PCDHGB5: variants seen among roughly 807,000 people sequenced by gnomAD.
PCDHGB5 encodes the protein protocadherin gamma-B5.
Under a neutral mutation model 62.9 loss-of-function variants are expected in PCDHGB5, and 48 were observed. That is an observed-to-expected ratio of 0.76 (90% CI 0.61 to 0.97). PCDHGB5 has a LOEUF of 0.97. PCDHGB5 is among the 50% of genes least tolerant of loss of function. PCDHGB5 has a pLI of 0.00. For synonymous variants in PCDHGB5, 474 were observed against 511.2 expected, an observed-to-expected ratio of 0.93 and a Z score of 0.98; for missense variants, 1,118 against 1,198.6, an observed-to-expected ratio of 0.93 and a Z score of 0.99.
intron 1 of PCDHGB5, among the ~76,000 whole-genome samples, chr5:141,456,033 G>A (rs1398584179): frequency 6.6e-6 from 1 of 151,884 alleles, no homozygotes; most frequent in Non-Finnish European, 1.5e-5. Flanking sequence ...GAGTAGCTGG[G>A]ACTACAGGCG....
chr5:141,427,896 C>G, intron 1 of PCDHGB5: 1 of 1,570,508 alleles, frequency 6.4e-7, no homozygotes, highest in East Asian at 2.2e-5. Context: ...CCAGGGCTCG[C>G]CCGCGCTCAG....
In PCDHGB5 at chr5:141,430,720, T is replaced by C. The variant is rs369549088; in HGVS notation, c.2397+30196T>C. On this transcript the variant is annotated intron_variant, in intron 1 of 3. Transcript: ENST00000617380. ...AAGGAACTGCTCCTGACTTCAGTGG[T>C]TAAGGGCAGAATTGAAAATAATTCT... The C allele has an allele frequency of 4.9e-4, 734 of 1,486,386 alleles. 1 individual carries two copies. Among genetic ancestry groups the C allele is most frequent in the Middle Eastern group, 9.1e-4 (5 of 5,506 alleles). The allele number at this position is 1,486,386 out of a possible 1,614,324, so 92.1% of individuals were successfully genotyped here.
intron 1 of PCDHGB5, chr5:141,427,590 C>G (rs768990626): frequency 5.9e-6 from 4 of 678,892 alleles, no homozygotes; most frequent in Non-Finnish European, 1.1e-5. Flanking sequence ...CAGCACAAGC[C>G]TCACCCTACG....
Position 141,490,345 on chromosome 5 carries a change from G to C in PCDHGB5, c.2398-4462G>C, listed in dbSNP as rs2099698831. On this transcript the variant is annotated intron_variant, in intron 1 of 3. Coordinates refer to ENST00000617380, the MANE Select transcript of PCDHGB5 (RefSeq NM_018925.3). This position sits in a 1 kb window ranked among gnomAD's most constrained non-coding sequence, Gnocchi z 5.4. ...AGAGAGCACACCAGTGGGCACAGTA[G>C]TGGGGTTGTTTAATGTGCGAGACCG... is the stretch of plus-strand genomic sequence containing the variant. 1 of 1,614,216 alleles carries C rather than the reference G, an allele frequency of 6.2e-7. No homozygotes were observed. Among genetic ancestry groups the C allele is most frequent in the Non-Finnish European group, 8.5e-7 (1 of 1,180,034 alleles).
At chr5:141,447,650 T>TC (rs1036312126) in intron 1 of PCDHGB5, among the ~76,000 whole-genome samples, 5 of 151,988 alleles carry the variant, frequency 3.3e-5, no homozygotes, top group Non-Finnish European at 5.9e-5. Context: ...GGTAGAATTT[T>TC]CCCCCCCAGG....
In PCDHGB5 at chr5:141,477,029, A is replaced by C; in HGVS notation, c.2398-17778A>C. 6.2e-7 allele frequency: 1 copy of C among 1,614,238 alleles called. No homozygotes were observed. The highest frequency in any genetic ancestry group is 8.5e-7 in the Non-Finnish European group (1 of 1,180,040). Reference sequence around the variant, plus strand: ...CTTAGACCTTGTAACCGGGATGCTGACAATCAAGGGTCGGCTGGACTTCGA... The same window carrying C: ...CTTAGACCTTGTAACCGGGATGCTGCCAATCAAGGGTCGGCTGGACTTCGA... On this transcript the variant is annotated intron_variant, in intron 1 of 3. Transcript: ENST00000617380. This position sits in a 1 kb window ranked among gnomAD's most constrained non-coding sequence, Gnocchi z 4.9.
In PCDHGB5 at chr5:141,409,757, G is replaced by T. The variant is rs376391018; in HGVS notation, c.2397+9233G>T. On this transcript the variant is annotated intron_variant, in intron 1 of 3. Coordinates refer to ENST00000617380, the MANE Select transcript of PCDHGB5 (RefSeq NM_018925.3). ...GAGCGGGGTGGTGTTCGCGCAGCGC[G>T]CCTTTGATCACGAGCAGCTGCGCGC... is the stretch of plus-strand genomic sequence containing the variant. 5 of 1,612,868 alleles carry T rather than the reference G, an allele frequency of 3.1e-6. No homozygotes were observed. In the East Asian group the frequency reaches 6.7e-5, roughly 22 times the overall value.
chr5:141,413,630 C>T (rs746896115), intron 1 of PCDHGB5: 2 of 1,613,692 alleles, frequency 1.2e-6, no homozygotes, highest in Admixed American at 3.3e-5. Flanking sequence ...AATGTCGCTG[C>T]GGGAATGCGT....
chr5:141,423,804 T>C (rs571396807), intron 1 of PCDHGB5: 50 of 1,240,508 alleles, frequency 4.0e-5, no homozygotes, highest in African/African-American at 2.7e-4. Flanking sequence ...GAGCAATACA[T>C]GTGAGTTTTA....
rs773893751 is a variant in PCDHGB5 at position 141,431,903 on chromosome 5, G to A, written c.2397+31379G>A. 2 of 1,613,916 alleles carry A rather than the reference G, an allele frequency of 1.2e-6. No individual in the cohort carries two copies. Among genetic ancestry groups the A allele is most frequent in the South Asian group, 2.2e-5 (2 of 91,080 alleles). ...CCAAGATTCTGAGGAAAACGGACAG[G>A]TGATCTGTTTCATCCAAGGAAATCT... On this transcript the variant is annotated intron_variant, in intron 1 of 3. Transcript: ENST00000617380. The surrounding 1 kb of genome is among the most constrained non-coding windows in gnomAD (Gnocchi z 4.8).
In PCDHGB5 at chr5:141,480,033, C is replaced by G. The variant is rs370321166; in HGVS notation, c.2398-14774C>G. On this transcript the variant is annotated intron_variant, in intron 1 of 3. Coordinates refer to ENST00000617380, the MANE Select transcript of PCDHGB5 (RefSeq NM_018925.3). ...CTCAATCTCCTTTCTAAGCCTCTTC[C>G]TCATATGCAAAAAGGGAATAATAAG... is the stretch of plus-strand genomic sequence containing the variant. Among the ~76,000 whole-genome samples, 3 of 152,224 alleles carry G rather than the reference C, an allele frequency of 2.0e-5. No individual in the cohort carries two copies. The East Asian group carries it at 5.8e-4, about 29-fold the overall frequency.
intron 1 of PCDHGB5, among the ~76,000 whole-genome samples, chr5:141,480,796 C>G (rs1007525949): frequency 2.6e-5 from 4 of 152,074 alleles, no homozygotes; most frequent in African/African-American, 7.2e-5. Flanking sequence ...ATTTGAAAAC[C>G]ACAGCTTTGG....
intron 1 of PCDHGB5, chr5:141,419,315 C>G (rs2096357855): frequency 1.2e-6 from 2 of 1,613,998 alleles, no homozygotes; most frequent in Non-Finnish European, 1.7e-6. Flanking sequence ...GCTCAACGGC[C>G]GTGTCTCCTA....
At position 141,431,633 on chromosome 5, in the gene PCDHGB5, T is replaced by G; in HGVS notation, c.2397+31109T>G. On this transcript the variant is annotated intron_variant, in intron 1 of 3. Coordinates refer to ENST00000617380, the MANE Select transcript of PCDHGB5 (RefSeq NM_018925.3). This position sits in a 1 kb window ranked among gnomAD's most constrained non-coding sequence, Gnocchi z 4.8. Reference sequence around the variant, plus strand: ...TGTGGACGACAAGGCGGCCCAAGTTTTCAAACTAGATTGTAATTCAGGGAC... The same window carrying G: ...TGTGGACGACAAGGCGGCCCAAGTTGTCAAACTAGATTGTAATTCAGGGAC... 6.2e-7 allele frequency: 1 copy of G among 1,614,240 alleles called. No individual in the cohort carries two copies. Among genetic ancestry groups the G allele is most frequent in the Non-Finnish European group, 8.5e-7 (1 of 1,180,048 alleles).
At chr5:141,406,650 C>T (rs2094835563) in intron 1 of PCDHGB5, among the ~76,000 whole-genome samples, 1 of 152,130 alleles carries the variant, frequency 6.6e-6, no homozygotes, top group Non-Finnish European at 1.5e-5. Context: ...TTTCCTAATG[C>T]TTTAATGTTA....
intron 2 of PCDHGB5, among the ~76,000 whole-genome samples, chr5:141,504,869 C>T (rs919109041): frequency 6.6e-6 from 1 of 152,134 alleles, no homozygotes; most frequent in Admixed American, 6.5e-5. Flanking sequence ...CCCACCTTCA[C>T]AGTCCTCTGG....
At chr5:141,438,875 A>G (rs2098071820) in intron 1 of PCDHGB5, among the ~76,000 whole-genome samples, 1 of 151,738 alleles carries the variant, frequency 6.6e-6, no homozygotes. Flanking sequence ...CAAGTTGGCC[A>G]GGCTGCTCTT....
At chr5:141,473,733 G>A (rs943072050) in intron 1 of PCDHGB5, among the ~76,000 whole-genome samples, 19 of 152,214 alleles carry the variant, frequency 1.2e-4, no homozygotes, top group Admixed American at 3.9e-4. Flanking sequence ...GAGAGAGGGA[G>A]AAGACATGAG....
At chr5:141,475,819 G>A (rs1232669115) in intron 1 of PCDHGB5, 4 of 350,114 alleles carry the variant, frequency 1.1e-5, no homozygotes, top group Non-Finnish European at 1.6e-5. Context: ...GAAGTTCCTG[G>A]CGCTAGCGCG....
Sources: gnomAD v4.1 joint callset for allele counts (sites outside exome capture counted in the v4.1 genomes callset) on GRCh38, gnomAD v4.1.1 for gene constraint, Gnocchi (gnomAD v3.1) non-coding constraint, MANE v1.5 for transcripts, NCBI Gene and HGNC (gene_info 2026-07-23, HGNC 2026-07-21) for gene names.